PHF2: variants seen among roughly 807,000 people sequenced by gnomAD.
The protein encoded by PHF2 is lysine-specific demethylase PHF2.
Under a neutral mutation model 120.5 loss-of-function variants are expected in PHF2, and 27 were observed. The ratio of observed to expected loss-of-function variants is 0.22; its 90% CI spans 0.17 to 0.31. The LOEUF (loss-of-function observed/expected upper bound fraction) is 0.31. Among genes scored for constraint, PHF2 ranks in the 10% least tolerant of loss-of-function variants. PHF2 has a pLI of 1.00. For synonymous variants in PHF2, 568 were observed against 592.5 expected (o/e 0.96, Z 0.60); for missense variants, 1,024 against 1,434.8 (o/e 0.71, Z 4.63).
chr9:93,650,170 A>G (rs1826342273), intron 5 of PHF2, among the ~76,000 whole-genome samples: 1 of 151,636 alleles, frequency 6.6e-6, no homozygotes, highest in Non-Finnish European at 1.5e-5. Context: ...CACACTCGCC[A>G]ACACACCTGT....
chr9:93,666,265 TG>T (rs1826679095), intron 16 of PHF2, among the ~76,000 whole-genome samples: 1 of 151,814 alleles, frequency 6.6e-6, no homozygotes, highest in Admixed American at 6.5e-5. Context: ...TGCCTGGGCG[TG>T]CGAGGGGTGT....
intron 2 of PHF2, among the ~76,000 whole-genome samples, chr9:93,630,822 G>A (rs865796529): frequency 6.6e-5 from 10 of 152,188 alleles, no homozygotes; most frequent in African/African-American, 1.2e-4. Context: ...ATGGGTGTGC[G>A]TGTGTTAATG....
rs1310291450 is a variant in PHF2 at position 93,670,142 on chromosome 9, A to G, written c.2348+2902A>G. On this transcript the variant is annotated intron_variant, in intron 17 of 21. Coordinates refer to ENST00000359246, the MANE Select transcript of PHF2 (RefSeq NM_005392.4). ...GGGATGGGCAGCTCGAGAGACAGTG[A>G]TGCTGATGCAAGAGTCCTGAAGGGG... 2.0e-5 allele frequency among the ~76,000 whole-genome samples: 3 copies of G among 152,342 alleles called. No individual in the cohort carries two copies. In the East Asian group the frequency reaches 5.8e-4, roughly 29 times the overall value.
At chr9:93,633,632 C>G (rs1215231140) in intron 2 of PHF2, among the ~76,000 whole-genome samples, 4 of 152,180 alleles carry the variant, frequency 2.6e-5, no homozygotes, top group Non-Finnish European at 5.9e-5. Flanking sequence ...TGTACCTTTG[C>G]TGGTGACCTT....
chr9:93,637,142 C>T lies in PHF2; in HGVS notation c.299+617C>T, dbSNP rs138269721. 3.9e-4 allele frequency among the ~76,000 whole-genome samples: 59 copies of T among 152,330 alleles called. 1 individual carries two copies. The East Asian group carries it at 6.9e-3, about 18-fold the overall frequency. ...ACTTTTGAAGGATAATTCCGCTGGA[C>T]GCAGAATCCTAAGTTGGTGGGTTTT... On this transcript the variant is annotated intron_variant, in intron 3 of 21. Coordinates refer to ENST00000359246, the MANE Select transcript of PHF2 (RefSeq NM_005392.4).
intron 1 of PHF2, among the ~76,000 whole-genome samples, chr9:93,588,448 C>A (rs775421944): frequency 6.6e-6 from 1 of 152,120 alleles, no homozygotes; most frequent in African/African-American, 2.4e-5. Context: ...AAGCCAGCAA[C>A]GAGAATAACT....
In PHF2 at chr9:93,678,526, C is replaced by A. The variant is rs1132004; in HGVS notation, c.*850C>A. ...GCAGGGGCAGGGGCAGGGACAGTGG[C>A]CAGGCGGCCCGAGGACTTACGGTCG... On this transcript the variant is annotated 3_prime_UTR_variant, in exon 22 of 22. Transcript: ENST00000359246. 50,250 of 152,360 alleles carry A rather than the reference C, an allele frequency of 0.33. 8,800 individuals are homozygous for A. The highest frequency in any genetic ancestry group is 0.39 in the Non-Finnish European group (26,695 of 67,988). 9.4% of individuals were successfully genotyped at this position (152,360 alleles called of 1,614,324 possible). A position where few individuals can be genotyped will look rare whatever the true frequency, so the allele number is the denominator to read the frequency against.
chr9:93,645,935 C>A (rs1248967484), intron 4 of PHF2, 146 bp downstream of exon 4: 35 of 932,182 alleles, frequency 3.8e-5, no homozygotes, highest in Non-Finnish European at 4.8e-5. Flanking sequence ...TACTCTGTTC[C>A]CGGTGCTCTT....
chr9:93,652,710 A>G (rs1033358552), intron 5 of PHF2, among the ~76,000 whole-genome samples: 5 of 152,158 alleles, frequency 3.3e-5, no homozygotes, highest in Non-Finnish European at 5.9e-5. Flanking sequence ...TGGATTTGAC[A>G]GTGACTTGAC....
Position 93,679,309 on chromosome 9 carries a change from C to T in PHF2, c.*1633C>T. 2.2e-6 allele frequency: 1 copy of T among 454,862 alleles called. No individual in the cohort carries two copies. Among genetic ancestry groups the T allele is most frequent in the Non-Finnish European group, 4.4e-6 (1 of 226,730 alleles). The allele number at this position is 454,862 out of a possible 1,614,324, so 28.2% of individuals were successfully genotyped here. On this transcript the variant is annotated 3_prime_UTR_variant, in exon 22 of 22. Transcript: ENST00000359246. ...GGGAGAGGGGGAGTCTCACGGGGCC[C>T]CAGGCTTATTCAGAACTGGTGTTTT...
intron 1 of PHF2, among the ~76,000 whole-genome samples, chr9:93,611,228 C>T (rs990589380): frequency 2.6e-5 from 4 of 151,998 alleles, no homozygotes; most frequent in Non-Finnish European, 4.4e-5. Flanking sequence ...CCAGCCTGAC[C>T]GACATGGTGA....
chr9:93,588,567 T>C (rs1411357900), intron 1 of PHF2, among the ~76,000 whole-genome samples: 1 of 151,978 alleles, frequency 6.6e-6, no homozygotes, highest in Non-Finnish European at 1.5e-5. Flanking sequence ...CCCTCCCCAC[T>C]CCCCTGCCAT....
chr9:93,667,973 C>T (rs1330575181), intron 17 of PHF2, among the ~76,000 whole-genome samples: 1 of 152,212 alleles, frequency 6.6e-6, no homozygotes, highest in East Asian at 1.9e-4. Context: ...CAGGGCCATG[C>T]TGCTAGCTGC....
At chr9:93,577,072 C>T (rs1862834259) in intron 1 of PHF2, among the ~76,000 whole-genome samples, 2 of 146,678 alleles carry the variant, frequency 1.4e-5, no homozygotes, top group Admixed American at 6.7e-5. Flanking sequence ...GGGCGCCAAG[C>T]ACGGGGCCCG....
chr9:93,624,266 TTGATGG>T (rs1358988247), intron 1 of PHF2, among the ~76,000 whole-genome samples: 4 of 152,224 alleles, frequency 2.6e-5, no homozygotes, highest in East Asian at 1.9e-4. Flanking sequence ...TGTGATGGTG[TTGATGG>T]TGATGGTGAT....
chr9:93,645,872 C>G (rs569426670), intron 4 of PHF2, 83 bp downstream of exon 4: 32 of 1,434,928 alleles, frequency 2.2e-5, no homozygotes, highest in Non-Finnish European at 1.9e-6. Context: ...TGTTTCCCCA[C>G]GCCCTGGCTG....
chr9:93,650,387 G>T (rs937924834), intron 5 of PHF2, among the ~76,000 whole-genome samples: 1 of 152,042 alleles, frequency 6.6e-6, no homozygotes, highest in African/African-American at 2.4e-5. Flanking sequence ...CCTAACACCC[G>T]CATCCCTGGC....
At position 93,673,743 on chromosome 9, in the gene PHF2, G is replaced by A. The variant is rs960329731; in HGVS notation, c.2507G>A (p.Gly836Asp). Reference sequence around the variant, plus strand: ...CATGGTGCCCGGAAGAATGGGGGTGGCAGTGGCAAGAGTGCAGGCAAACGA... The same window carrying A: ...CATGGTGCCCGGAAGAATGGGGGTGACAGTGGCAAGAGTGCAGGCAAACGA... ...AAHGARKNGG[G>D]SGKSAGKRLL... is the part of the protein sequence containing the mutation. Residue 836 changes from glycine to aspartate, a missense_variant, in exon 18 of 22, where the codon GGC becomes GAC. Around this residue, in one of 2 missense-constraint regions of PHF2, gnomAD observed 677 missense variants for 857.4 expected, o/e 0.79. Transcript: ENST00000359246. 10 of 1,613,286 alleles carry A rather than the reference G, an allele frequency of 6.2e-6. No individual in the cohort carries two copies. Among genetic ancestry groups the A allele is most frequent in the Non-Finnish European group, 8.5e-6 (10 of 1,179,788 alleles).
At chr9:93,587,599 A>G (rs965070227) in intron 1 of PHF2, among the ~76,000 whole-genome samples, 4 of 39,640 alleles carry the variant, frequency 1.0e-4, no homozygotes, top group Non-Finnish European at 1.7e-4. Flanking sequence ...GAGGAGCCCC[A>G]GGTGAGGGAT....
Sources: gnomAD v4.1 joint callset for allele counts (sites outside exome capture counted in the v4.1 genomes callset) on GRCh38, gnomAD v4.1.1 for gene constraint, gnomAD v4.1.1 regional missense constraint, MANE v1.5 for transcripts, NCBI Gene and HGNC (gene_info 2026-07-23, HGNC 2026-07-21) for gene names.